COX5A: variants seen among roughly 807,000 people sequenced by gnomAD.
COX5A encodes cytochrome c oxidase subunit 5A.
A neutral mutation model predicts 16.1 loss-of-function variants in COX5A; 6 were observed. That is an observed-to-expected ratio of 0.37 (90% CI 0.20 to 0.73). The LOEUF is 0.73. COX5A is among the 30% of genes least tolerant of loss of function. The pLI, the probability that COX5A is intolerant of heterozygous loss-of-function variation, is 0.50. For missense variants in COX5A, 159 were observed against 194.9 expected (o/e 0.82, Z 1.10); for synonymous variants, 73 against 73.8 (o/e 0.99, Z 0.06).
intron 1 of COX5A, among the ~76,000 whole-genome samples, chr15:74,936,089 G>A (rs2141275381): frequency 6.6e-6 from 1 of 151,206 alleles, no homozygotes; most frequent in South Asian, 2.1e-4. Context: ...TCACGAGCTC[G>A]AAACCAGCAT....
chr15:74,926,971 G>A, intron 2 of COX5A, 84 bp from the exon 3 acceptor site: 1 of 1,443,292 alleles, frequency 6.9e-7, no homozygotes, highest in Non-Finnish European at 9.5e-7. Flanking sequence ...CTGAATCACT[G>A]ATGTATGATC....
intron 1 of COX5A, among the ~76,000 whole-genome samples, chr15:74,935,463 G>A (rs2065384953): frequency 6.6e-6 from 1 of 151,228 alleles, no homozygotes; most frequent in South Asian, 2.1e-4. Context: ...AAATAAAACT[G>A]GTGGCGCACC....
intron 1 of COX5A, among the ~76,000 whole-genome samples, chr15:74,934,206 G>A (rs1263471112): frequency 6.6e-5 from 10 of 152,078 alleles, no homozygotes; most frequent in African/African-American, 2.2e-4. Context: ...CTATGACTGC[G>A]CCACTGCACT....
At chr15:74,923,858 C>T in intron 3 of COX5A, 88 bp from the exon 4 acceptor site, 1 of 829,880 alleles carries the variant, frequency 1.2e-6, no homozygotes, top group Non-Finnish European at 2.0e-6. Flanking sequence ...CCTTTAATTA[C>T]TTATGCAGAG....
chr15:74,930,763 A>C (rs188091746), intron 1 of COX5A, among the ~76,000 whole-genome samples: 14 of 149,268 alleles, frequency 9.4e-5, no homozygotes, highest in Non-Finnish European at 1.6e-4. Context: ...CACGCCTGTA[A>C]TCCCAGCACT....
intron 1 of COX5A, among the ~76,000 whole-genome samples, chr15:74,932,852 A>G (rs2065373202): frequency 6.6e-6 from 1 of 151,842 alleles, no homozygotes; most frequent in South Asian, 2.1e-4. Context: ...ATGCGCCACC[A>G]TGTCAGGCTA....
chr15:74,932,695 ATTTC>A (rs2065372580), intron 1 of COX5A, among the ~76,000 whole-genome samples: 1 of 151,030 alleles, frequency 6.6e-6, no homozygotes, highest in African/African-American at 2.4e-5. Flanking sequence ...ACACGTTTTA[ATTTC>A]TTTTTTTTTT....
chr15:74,931,699 G>A (rs914356704), intron 1 of COX5A, among the ~76,000 whole-genome samples: 4 of 151,852 alleles, frequency 2.6e-5, no homozygotes, highest in African/African-American at 9.7e-5. Context: ...GACTACAGGC[G>A]AGCGCCACTA....
In COX5A at chr15:74,929,188, C is replaced by T; in HGVS notation, c.145G>A (p.Asp49Asn). The T allele has an allele frequency of 6.2e-7, 1 of 1,614,182 alleles. No homozygotes were observed. The highest frequency in any genetic ancestry group is 1.1e-5 in the South Asian group (1 of 91,086). The part of the protein sequence containing the change: ...RCYSHGSQET[D>N]EEFDARWVTY... ...ACCCAGCGAGCATCAAACTCCTCATCTGTCTCCTGTGACCCATGGGAATAG... is the reference window on the plus strand; with the variant it reads ...ACCCAGCGAGCATCAAACTCCTCATTTGTCTCCTGTGACCCATGGGAATAG... The change falls in exon 2 of 5, where the codon GAT becomes AAT. Residue 49 changes from aspartate to asparagine, a missense_variant. Transcript: ENST00000322347.
At chr15:74,926,543 A>C (rs1296118775) in intron 3 of COX5A, among the ~76,000 whole-genome samples, 3 of 152,176 alleles carry the variant, frequency 2.0e-5, no homozygotes, top group Admixed American at 1.3e-4. Context: ...AAATTCTTAA[A>C]TGGAATTGCT....
intron 1 of COX5A, among the ~76,000 whole-genome samples, chr15:74,931,661 C>A (rs1313737297): frequency 6.7e-6 from 1 of 150,012 alleles, no homozygotes; most frequent in Non-Finnish European, 1.5e-5. Context: ...TCAAGTGATT[C>A]TCCTGCCTCA....
At chr15:74,932,627 C>G (rs1298762163) in intron 1 of COX5A, among the ~76,000 whole-genome samples, 2 of 151,942 alleles carry the variant, frequency 1.3e-5, no homozygotes, top group Non-Finnish European at 2.9e-5. Flanking sequence ...ACCTAAATTA[C>G]CTACATAATC....
chr15:74,932,194 AC>A (rs1193697430), intron 1 of COX5A, among the ~76,000 whole-genome samples: 17 of 152,312 alleles, frequency 1.1e-4, no homozygotes, highest in Non-Finnish European at 2.2e-4. Context: ...TTATCTAAAA[AC>A]GTCTTAGTTG....
intron 1 of COX5A, among the ~76,000 whole-genome samples, chr15:74,931,853 C>T (rs903607370): frequency 2.0e-5 from 3 of 152,104 alleles, no homozygotes; most frequent in African/African-American, 7.2e-5. Flanking sequence ...TGCACCCAGC[C>T]CCATTTTTTC....
In COX5A at chr15:74,923,793, C is replaced by T. The variant is rs113236539; in HGVS notation, c.340-23G>A. 2,481 of 1,384,886 alleles carry T rather than the reference C, an allele frequency of 1.8e-3. 25 individuals are homozygous for T. In the African/African-American group the frequency reaches 0.03, roughly 17 times the overall value. The allele number at this position is 1,384,886 out of a possible 1,614,324, so 85.8% of individuals were successfully genotyped here. ...GTCCTGATGGCAAAGAGAATATTCA[C>T]ATTTAACTCTCTCAAAAGCCATGTC... On this transcript the variant is annotated intron_variant, in intron 3 of 4. Coordinates refer to ENST00000322347, the MANE Select transcript of COX5A (RefSeq NM_004255.4).
chr15:74,937,340 A>G (rs750791179), intron 1 of COX5A, among the ~76,000 whole-genome samples: 4 of 152,226 alleles, frequency 2.6e-5, no homozygotes, highest in Admixed American at 6.5e-5. Flanking sequence ...GGAGATCAGG[A>G]AACAACCACA....
intron 1 of COX5A, among the ~76,000 whole-genome samples, chr15:74,936,028 C>T (rs954083446): frequency 2.0e-5 from 3 of 152,094 alleles, no homozygotes; most frequent in Admixed American, 6.6e-5. Context: ...TGGTGTCTCA[C>T]GCCTGTAATC....
chr15:74,931,073 A>G (rs2141273482), intron 1 of COX5A, among the ~76,000 whole-genome samples: 1 of 151,878 alleles, frequency 6.6e-6, no homozygotes, highest in Non-Finnish European at 1.5e-5. Flanking sequence ...TTCCAAAATA[A>G]ATTACACATC....
intron 2 of COX5A, among the ~76,000 whole-genome samples, chr15:74,927,794 CA>C (rs2065350641): frequency 1.3e-5 from 2 of 151,678 alleles, no homozygotes; most frequent in African/African-American, 4.8e-5. Context: ...AACAAACAAA[CA>C]AAAAAACCAA....
Sources: gnomAD v4.1 joint callset for allele counts (sites outside exome capture counted in the v4.1 genomes callset) on GRCh38, gnomAD v4.1.1 for gene constraint, MANE v1.5 for transcripts, NCBI Gene and HGNC (gene_info 2026-07-23, HGNC 2026-07-21) for gene names.